CATSPERE: variants seen among roughly 807,000 people sequenced by gnomAD.
The protein encoded by CATSPERE is cation channel sperm-associated auxiliary subunit epsilon.
In CATSPERE, 93 loss-of-function variants were observed where a neutral mutation model predicts 114.1. The observed-to-expected ratio is 0.81, with a 90% CI of 0.69 to 0.97. CATSPERE has a LOEUF of 0.97. CATSPERE is among the 50% of genes least tolerant of loss of function. The pLI is 0.00. For missense variants in CATSPERE, 1,058 were observed against 1,131.6 expected, an observed-to-expected ratio of 0.93 and a Z score of 0.93; for synonymous variants, 341 against 384.1, an observed-to-expected ratio of 0.89 and a Z score of 1.31.
intron 2 of CATSPERE, among the ~76,000 whole-genome samples, chr1:244,477,273 G>A (rs1355753806): frequency 6.6e-6 from 1 of 152,192 alleles, no homozygotes; most frequent in Non-Finnish European, 1.5e-5. Flanking sequence ...TAGGATTACA[G>A]GCATGAGCCA....
At chr1:244,586,665 C>T (rs1158283576) in intron 13 of CATSPERE, among the ~76,000 whole-genome samples, 2 of 152,198 alleles carry the variant, frequency 1.3e-5, no homozygotes, top group African/African-American at 2.4e-5. Context: ...ATCGTCCTAT[C>T]CCCACCCTCC....
intron 9 of CATSPERE, among the ~76,000 whole-genome samples, chr1:244,553,168 T>C (rs1466628411): frequency 6.6e-6 from 1 of 152,174 alleles, no homozygotes; most frequent in Non-Finnish European, 1.5e-5. Context: ...GAAAGTGTAA[T>C]GATCAAGTCA....
intron 17 of CATSPERE, among the ~76,000 whole-genome samples, 172 bp from the exon 18 acceptor site, chr1:244,605,523 A>G (rs1669873471): frequency 6.6e-6 from 1 of 151,480 alleles, no homozygotes; most frequent in Non-Finnish European, 1.5e-5. Context: ...TATTTTACAG[A>G]AAAAAAAATC....
intron 20 of CATSPERE, among the ~76,000 whole-genome samples, chr1:244,621,235 T>TATATATATTA (rs1558610771): frequency 3.4e-5 from 2 of 58,822 alleles, no homozygotes; most frequent in African/African-American, 1.9e-4. Flanking sequence ...ATAAATATAT[T>TATATATATTA]TATATAGATA....
chr1:244,595,245 A>T (rs1468926187), intron 17 of CATSPERE, among the ~76,000 whole-genome samples: 1 of 152,212 alleles, frequency 6.6e-6, no homozygotes, highest in African/African-American at 2.4e-5. Context: ...ATGCGCAGAT[A>T]TGCTGAGTGT....
At chr1:244,526,512 G>GA (rs1166721008) in intron 8 of CATSPERE, among the ~76,000 whole-genome samples, 1 of 151,782 alleles carries the variant, frequency 6.6e-6, no homozygotes, top group Non-Finnish European at 1.5e-5. Flanking sequence ...AGAGAGACTA[G>GA]AAAAAAAATA....
At chr1:244,454,374 T>C (rs968583581), upstream of CATSPERE, 1 of 152,206 alleles carries the variant, frequency 6.6e-6, no homozygotes, top group African/African-American at 2.4e-5. Context: ...TGTTTTGTTA[T>C]GTGTGTTTTG....
chr1:244,471,909 T>C (rs1041717824), intron 2 of CATSPERE, among the ~76,000 whole-genome samples: 1 of 152,216 alleles, frequency 6.6e-6, no homozygotes, highest in African/African-American at 2.4e-5. Context: ...TACTGTGTTA[T>C]AAGGCAATGA....
At chr1:244,514,943 G>A (rs1676384215) in intron 7 of CATSPERE, among the ~76,000 whole-genome samples, 2 of 152,030 alleles carry the variant, frequency 1.3e-5, no homozygotes, top group African/African-American at 4.8e-5. Context: ...CAATGCATTA[G>A]GATTATGTAA....
chr1:244,560,410 G>T (rs1019999237), intron 9 of CATSPERE, among the ~76,000 whole-genome samples: 1 of 151,274 alleles, frequency 6.6e-6, no homozygotes, highest in East Asian at 1.9e-4. Flanking sequence ...GGCGGGGGTG[G>T]GGGGGCAGGA....
chr1:244,541,915 C>A (rs1283477416), intron 8 of CATSPERE, among the ~76,000 whole-genome samples: 2 of 140,096 alleles, frequency 1.4e-5, no homozygotes, highest in Middle Eastern at 3.5e-3. Context: ...GAACAAAAAA[C>A]CAAACACCGC....
chr1:244,629,594 A>T (rs945124892), intron 20 of CATSPERE, among the ~76,000 whole-genome samples: 4 of 134,822 alleles, frequency 3.0e-5, no homozygotes, highest in Non-Finnish European at 6.1e-5. Context: ...CAATCCTCCC[A>T]AAGTGCTGGG....
intron 2 of CATSPERE, among the ~76,000 whole-genome samples, chr1:244,475,453 C>T (rs1669167375): frequency 6.6e-6 from 1 of 151,590 alleles, no homozygotes; most frequent in Admixed American, 6.6e-5. Context: ...AGACTGGTCT[C>T]GAACTCCTGG....
At chr1:244,525,578 G>A (rs1678456452) in intron 8 of CATSPERE, among the ~76,000 whole-genome samples, 1 of 152,128 alleles carries the variant, frequency 6.6e-6, no homozygotes, top group Non-Finnish European at 1.5e-5. Flanking sequence ...GCTGATGGAA[G>A]TGTAAATTGG....
intron 13 of CATSPERE, among the ~76,000 whole-genome samples, chr1:244,587,402 C>T (rs910774402): frequency 1.3e-5 from 2 of 152,178 alleles, no homozygotes; most frequent in African/African-American, 4.8e-5. Context: ...ATCAAATGCC[C>T]TTCTTGGGCA....
chr1:244,578,158 G>GTTGGTTTT (rs1197983743), intron 11 of CATSPERE, among the ~76,000 whole-genome samples: 1 of 152,100 alleles, frequency 6.6e-6, no homozygotes, highest in Non-Finnish European at 1.5e-5. Flanking sequence ...TTGTTGGTTT[G>GTTGGTTTT]TTGGTTTGTT....
intron 9 of CATSPERE, among the ~76,000 whole-genome samples, chr1:244,553,225 G>A (rs898431218): frequency 1.3e-5 from 2 of 152,080 alleles, no homozygotes; most frequent in Non-Finnish European, 2.9e-5. Context: ...GTGTCTATGT[G>A]TTGGTATCAT....
At chr1:244,577,187 G>A (rs933220842) in intron 11 of CATSPERE, among the ~76,000 whole-genome samples, 1 of 151,752 alleles carries the variant, frequency 6.6e-6, no homozygotes, top group Non-Finnish European at 1.5e-5. Flanking sequence ...TTTCTTCAGT[G>A]ACTTGCTTTA....
intron 2 of CATSPERE, among the ~76,000 whole-genome samples, chr1:244,465,048 T>G (rs113769946): frequency 0.046 from 7,007 of 151,806 alleles, 198 homozygotes; most frequent in Middle Eastern, 0.068. Context: ...CTTTTTTTTT[T>G]TTTTGGAGAC....
Sources: gnomAD v4.1 joint callset for allele counts (sites outside exome capture counted in the v4.1 genomes callset) on GRCh38, gnomAD v4.1.1 for gene constraint, MANE v1.5 for transcripts, NCBI Gene and HGNC (gene_info 2026-07-23, HGNC 2026-07-21) for gene names.